IL1RAPL1: variants seen among roughly 807,000 people sequenced by gnomAD.
The protein encoded by IL1RAPL1 is interleukin 1 receptor accessory protein like 1, also known as interleukin-1 receptor accessory protein-like 1.
Under a neutral mutation model 48.4 loss-of-function variants are expected in IL1RAPL1, and 3 were observed. The observed-to-expected ratio is 0.06, with a 90% CI of 0.03 to 0.16. IL1RAPL1 has a LOEUF of 0.16. Among genes scored for constraint, IL1RAPL1 ranks in the 10% least tolerant of loss-of-function variants. The probability of loss-of-function intolerance (pLI) is 1.00; values close to 1 mark genes in which losing one functional copy is unlikely to be tolerated. For missense variants in IL1RAPL1, 349 were observed against 530.6 expected (o/e 0.66, Z 3.36); for synonymous variants, 185 against 187.7 (o/e 0.99, Z 0.12).
intron 2 of IL1RAPL1, among the ~76,000 whole-genome samples, chrX:29,193,968 A>G (rs928133449): frequency 6.3e-5 from 7 of 111,774 alleles, no homozygotes; most frequent in Admixed American, 2.9e-4. Flanking sequence ...AGGAAAGATA[A>G]CCTCTTGAAT....
chrX:29,791,826 G>A (rs1228509793), intron 6 of IL1RAPL1, among the ~76,000 whole-genome samples: 1 of 106,751 alleles, frequency 9.4e-6, no homozygotes, highest in Non-Finnish European at 1.9e-5. Flanking sequence ...TGCCTCCCAG[G>A]TTCAAGCAGT....
chrX:29,138,069 T>C (rs1929167372), intron 2 of IL1RAPL1, among the ~76,000 whole-genome samples: 1 of 112,476 alleles, frequency 8.9e-6, no homozygotes, highest in Non-Finnish European at 1.9e-5. Context: ...TTTAAATACC[T>C]GTTTTACTTC....
At chrX:29,608,288 C>T (rs1361883139) in intron 5 of IL1RAPL1, among the ~76,000 whole-genome samples, 3 of 110,608 alleles carry the variant, frequency 2.7e-5, no homozygotes, top group Non-Finnish European at 5.7e-5. Context: ...CCAGAAGTGG[C>T]ACAGATCAGG....
At position 29,350,221 on chromosome X, in the gene IL1RAPL1, A is replaced by ATATC. The variant is rs1287501994; in HGVS notation, c.363-46034_363-46033insCTAT. ...TATATATATATATATATATATATATATATGCTAAAATCAGTTGTGTGTTTG... is the reference window on the plus strand; with the variant it reads ...TATATATATATATATATATATATATATATCTATGCTAAAATCAGTTGTGTGTTTG... On this transcript the variant is annotated intron_variant, in intron 3 of 10. Coordinates refer to ENST00000378993, the MANE Select transcript of IL1RAPL1 (RefSeq NM_014271.4). Among the ~76,000 whole-genome samples the ATATC allele has an allele frequency of 1.0e-4, 8 of 77,748 alleles. 1 individual carries two copies. In the Admixed American group the frequency reaches 1.2e-3, roughly 11 times the overall value. 67.5% of individuals were successfully genotyped at this position (77,748 alleles called of 115,157 possible).
chrX:28,879,725 G>A lies in IL1RAPL1; in HGVS notation c.82+90300G>A, dbSNP rs192363167. ...TTATTCCCAAGTTTCAGTCATTTTAGTGAGAAGTATTAGTAGGTTGTGGAA... is the reference window on the plus strand; with the variant it reads ...TTATTCCCAAGTTTCAGTCATTTTAATGAGAAGTATTAGTAGGTTGTGGAA... On this transcript the variant is annotated intron_variant, in intron 2 of 10. Transcript: ENST00000378993. Among the ~76,000 whole-genome samples the A allele has an allele frequency of 3.9e-4, 44 of 112,110 alleles. No individual in the cohort carries two copies. The Admixed American group carries it at 4.2e-3, about 11-fold the overall frequency.
chrX:29,785,584 G>A (rs1405107153), intron 6 of IL1RAPL1, among the ~76,000 whole-genome samples: 2 of 112,176 alleles, frequency 1.8e-5, no homozygotes, highest in Non-Finnish European at 3.8e-5. Context: ...AAATAAAAAT[G>A]TATGTCAACA....
In IL1RAPL1 at chrX:29,929,052, A is replaced by G. The variant is rs773135172; in HGVS notation, c.1057+8958A>G. 4.5e-5 allele frequency among the ~76,000 whole-genome samples: 5 copies of G among 111,762 alleles called. No homozygotes were observed. The South Asian group carries it at 1.9e-3, about 42-fold the overall frequency. On this transcript the variant is annotated intron_variant, in intron 8 of 10. Coordinates refer to ENST00000378993, the MANE Select transcript of IL1RAPL1 (RefSeq NM_014271.4). ...TTTAGCATGTGTTCTATGAAAAATAATAAATTGGGAGGCCAATTTGGATAA... is the reference window on the plus strand; with the variant it reads ...TTTAGCATGTGTTCTATGAAAAATAGTAAATTGGGAGGCCAATTTGGATAA...
chrX:29,158,947 C>T (rs1432531047), intron 2 of IL1RAPL1, among the ~76,000 whole-genome samples: 9 of 55,013 alleles, frequency 1.6e-4, no homozygotes, highest in Non-Finnish European at 2.2e-4. Flanking sequence ...CCCCTCCCTC[C>T]CTCTCCCTCT....
At chrX:29,288,193 A>G (rs1221927769) in intron 3 of IL1RAPL1, among the ~76,000 whole-genome samples, 4 of 109,906 alleles carry the variant, frequency 3.6e-5, no homozygotes, top group Non-Finnish European at 7.6e-5. Flanking sequence ...GGATGTGCAG[A>G]TTTGTTACAT....
chrX:29,388,615 C>T (rs1300199978), intron 3 of IL1RAPL1, among the ~76,000 whole-genome samples: 1 of 112,178 alleles, frequency 8.9e-6, no homozygotes, highest in East Asian at 2.8e-4. Context: ...GAATGAAGTA[C>T]TGATGCATAC....
At chrX:29,563,276 A>G (rs1042790723) in intron 5 of IL1RAPL1, among the ~76,000 whole-genome samples, 1 of 111,785 alleles carries the variant, frequency 8.9e-6, no homozygotes, top group African/African-American at 3.2e-5. Flanking sequence ...TGGTCAGTCT[A>G]TTTTTTTATT....
intron 2 of IL1RAPL1, among the ~76,000 whole-genome samples, chrX:29,257,522 C>G (rs977294161): frequency 9.0e-6 from 1 of 111,657 alleles, no homozygotes; most frequent in African/African-American, 3.2e-5. Context: ...GCTTACATTA[C>G]CATGACAAAC....
intron 5 of IL1RAPL1, 51 bp downstream of exon 5, chrX:29,399,359 A>C: frequency 9.7e-7 from 1 of 1,027,203 alleles, no homozygotes; most frequent in Non-Finnish European, 1.4e-6. Flanking sequence ...CTACTATTTT[A>C]AGTTAGTTTT....
intron 3 of IL1RAPL1, chrX:29,369,411 A>T (rs192256056): frequency 9.0e-6 from 1 of 111,712 alleles, no homozygotes; most frequent in Admixed American, 9.5e-5. Flanking sequence ...CTGAGGACCG[A>T]GGGCCACTCC....
chrX:28,841,803 ATTAT>A (rs1293731629), intron 2 of IL1RAPL1, among the ~76,000 whole-genome samples: 5 of 111,188 alleles, frequency 4.5e-5, no homozygotes, highest in Non-Finnish European at 9.5e-5. Context: ...TGGCTTATAG[ATTAT>A]TTAAGAGTTA....
intron 6 of IL1RAPL1, among the ~76,000 whole-genome samples, chrX:29,731,643 G>A (rs1370335101): frequency 8.9e-6 from 1 of 112,408 alleles, no homozygotes; most frequent in East Asian, 2.8e-4. Context: ...TGGTATTTTG[G>A]TTTTGGTAAC....
chrX:29,673,245 T>C (rs1054669316), intron 6 of IL1RAPL1, among the ~76,000 whole-genome samples: 15 of 112,073 alleles, frequency 1.3e-4, no homozygotes, highest in Middle Eastern at 4.2e-3. Flanking sequence ...AAATACTTAA[T>C]ATAAATATCC....
intron 2 of IL1RAPL1, among the ~76,000 whole-genome samples, chrX:29,273,451 T>C (rs923375991): frequency 8.1e-5 from 9 of 111,658 alleles, no homozygotes; most frequent in Non-Finnish European, 1.7e-4. Context: ...GAGGGACTTT[T>C]ACCGGGCCCC....
intron 5 of IL1RAPL1, among the ~76,000 whole-genome samples, chrX:29,426,775 G>A (rs192474533): frequency 9.0e-6 from 1 of 111,204 alleles, no homozygotes; most frequent in Admixed American, 9.6e-5. Flanking sequence ...GTGAATAGCC[G>A]TACTCAAAAT....
Sources: allele counts gnomAD v4.1 joint callset (sites outside exome capture counted in the v4.1 genomes callset), GRCh38; gene constraint gnomAD v4.1.1; transcripts MANE v1.5; gene names NCBI Gene and HGNC (gene_info 2026-07-23, HGNC 2026-07-21).